ZNF407: variants seen among roughly 807,000 people sequenced by gnomAD.
The protein encoded by ZNF407 is zinc finger protein 407.
ZNF407 carries 17 observed loss-of-function variants against 131.2 expected under a neutral mutation model. That is an observed-to-expected ratio of 0.13 (90% CI 0.09 to 0.19). The LOEUF is 0.19. ZNF407 is among the 10% of genes least tolerant of loss of function. ZNF407 has a pLI of 1.00. For synonymous variants in ZNF407, 1,156 were observed against 1,062.0 expected, an observed-to-expected ratio of 1.09 and a Z score of -1.72; for missense variants, 2,681 against 2,830.6, an observed-to-expected ratio of 0.95 and a Z score of 1.20.
At position 74,631,661 on chromosome 18, in the gene ZNF407, A is replaced by G; in HGVS notation, c.642A>G (p.Glu214=). The stretch of plus-strand genomic sequence containing the variant: ...AGTCTCACATGCAGCAGCCTAAGGA[A>G]CATACCTGTTGTCACTGCAGCCACA... ...HAESHMQQPK[E]HTCCHCSHKA... is the part of the protein sequence containing the mutation. The change falls in exon 2 of 9, where the codon GAA becomes GAG. Residue 214 remains glutamate, a synonymous_variant. Transcript: ENST00000299687. 6.2e-7 allele frequency: 1 copy of G among 1,613,988 alleles called. No homozygotes were observed. The highest frequency in any genetic ancestry group is 8.5e-7 in the Non-Finnish European group (1 of 1,179,896).
chr18:75,022,860 A>T (rs141208000), intron 8 of ZNF407, among the ~76,000 whole-genome samples: 1 of 152,196 alleles, frequency 6.6e-6, no homozygotes, highest in East Asian at 1.9e-4. Flanking sequence ...AAATTGTTCT[A>T]TTGTAAAGAT....
At chr18:74,940,864 G>A (rs1972089990) in intron 8 of ZNF407, among the ~76,000 whole-genome samples, 1 of 152,138 alleles carries the variant, frequency 6.6e-6, no homozygotes, top group Non-Finnish European at 1.5e-5. Flanking sequence ...AGGTGGGCAG[G>A]GTGTGGAGGG....
intron 8 of ZNF407, among the ~76,000 whole-genome samples, chr18:74,964,044 A>G (rs958420907): frequency 9.2e-5 from 14 of 152,224 alleles, no homozygotes; most frequent in African/African-American, 2.7e-4. Context: ...AGCCATGGTC[A>G]AACTTGTCAG....
intron 1 of ZNF407, among the ~76,000 whole-genome samples, chr18:74,627,761 T>C (rs1343900097): frequency 6.6e-6 from 1 of 151,576 alleles, no homozygotes; most frequent in Non-Finnish European, 1.5e-5. Flanking sequence ...AATGTTTGTT[T>C]GTTCAGTTTT....
At chr18:74,994,360 A>G (rs1342401461) in intron 8 of ZNF407, among the ~76,000 whole-genome samples, 3 of 152,230 alleles carry the variant, frequency 2.0e-5, no homozygotes, top group Non-Finnish European at 4.4e-5. Flanking sequence ...ATTTGACATT[A>G]TTTCCGCTTA....
intron 3 of ZNF407, among the ~76,000 whole-genome samples, chr18:74,648,551 G>A (rs1260985347): frequency 3.3e-5 from 5 of 152,180 alleles, no homozygotes; most frequent in East Asian, 1.9e-4. Flanking sequence ...GTGAGTTACC[G>A]CTTCAGAATC....
chr18:74,955,856 C>T (rs1268523963), intron 8 of ZNF407, among the ~76,000 whole-genome samples: 1 of 152,216 alleles, frequency 6.6e-6, no homozygotes, highest in African/African-American at 2.4e-5. Flanking sequence ...ACACACGGTG[C>T]ACGTGTTCCT....
chr18:74,924,750 G>T (rs1971890855), intron 8 of ZNF407, among the ~76,000 whole-genome samples: 1 of 152,074 alleles, frequency 6.6e-6, no homozygotes, highest in African/African-American at 2.4e-5. Flanking sequence ...GCCAGACGGG[G>T]AGGGCTGAGG....
At chr18:74,911,556 A>C (rs1403920244) in intron 7 of ZNF407, among the ~76,000 whole-genome samples, 1 of 152,154 alleles carries the variant, frequency 6.6e-6, no homozygotes, top group Non-Finnish European at 1.5e-5. Flanking sequence ...TTTTTTTAAA[A>C]GAAGTGTTTT....
intron 8 of ZNF407, among the ~76,000 whole-genome samples, chr18:74,958,512 G>A (rs534156793): frequency 5.3e-5 from 8 of 151,388 alleles, no homozygotes; most frequent in African/African-American, 1.5e-4. Flanking sequence ...GGAGCCCGCC[G>A]TGCACACACC....
chr18:74,645,374 C>A (rs905698302), intron 3 of ZNF407, among the ~76,000 whole-genome samples: 3 of 151,938 alleles, frequency 2.0e-5, no homozygotes, highest in Non-Finnish European at 2.9e-5. Context: ...GAAGCGCAGA[C>A]CCTGGTGTGC....
intron 4 of ZNF407, among the ~76,000 whole-genome samples, chr18:74,788,578 A>T (rs1310835456): frequency 6.6e-6 from 1 of 151,654 alleles, no homozygotes; most frequent in East Asian, 1.9e-4. Flanking sequence ...AGCTGTATAA[A>T]AAATACTGTT....
chr18:74,729,706 G>T (rs1968248727), intron 3 of ZNF407, among the ~76,000 whole-genome samples: 1 of 152,160 alleles, frequency 6.6e-6, no homozygotes, highest in South Asian at 2.1e-4. Flanking sequence ...CCGTACACTT[G>T]GCTGGTAATC....
chr18:74,755,728 C>CCTTTCTTTCTTTCTTT (rs765042437), intron 3 of ZNF407, among the ~76,000 whole-genome samples: 12,351 of 63,284 alleles, frequency 0.2, 2,184 homozygotes, highest in Admixed American at 0.24. Flanking sequence ...TTCTTTCTTT[C>CCTTTCTTTCTTTCTTT]CTTTCTTTCT....
intron 8 of ZNF407, among the ~76,000 whole-genome samples, chr18:75,047,850 T>C (rs1252190358): frequency 6.6e-6 from 1 of 152,282 alleles, no homozygotes; most frequent in Non-Finnish European, 1.5e-5. Flanking sequence ...ACTGTCATTC[T>C]GATTGTCTGG....
chr18:75,029,000 C>T (rs994445436), intron 8 of ZNF407, among the ~76,000 whole-genome samples: 1 of 152,186 alleles, frequency 6.6e-6, no homozygotes, highest in African/African-American at 2.4e-5. Context: ...GAATATCCTT[C>T]TGCTGTATGT....
intron 2 of ZNF407, among the ~76,000 whole-genome samples, chr18:74,640,459 G>A (rs942610629): frequency 3.3e-5 from 5 of 151,980 alleles, no homozygotes; most frequent in African/African-American, 1.2e-4. Context: ...TTTATAAATT[G>A]TGTTATTAAA....
chr18:74,651,389 G>A (rs1439406374), intron 3 of ZNF407, among the ~76,000 whole-genome samples: 1 of 152,098 alleles, frequency 6.6e-6, no homozygotes, highest in Admixed American at 6.6e-5. Context: ...GTCATCTATT[G>A]TGTACTTGTT....
At chr18:74,965,915 T>C (rs1341715235) in intron 8 of ZNF407, among the ~76,000 whole-genome samples, 1 of 152,266 alleles carries the variant, frequency 6.6e-6, no homozygotes, top group African/African-American at 2.4e-5. Flanking sequence ...TGATGATCGA[T>C]GATGTTGAGC....
Sources: gnomAD v4.1 joint callset for allele counts (sites outside exome capture counted in the v4.1 genomes callset) on GRCh38, gnomAD v4.1.1 for gene constraint, MANE v1.5 for transcripts, NCBI Gene and HGNC (gene_info 2026-07-23, HGNC 2026-07-21) for gene names.